Variants in RBKS observed in about 807,000 individuals in gnomAD.
The protein encoded by RBKS is ribokinase.
In RBKS, 33 loss-of-function variants were observed where a neutral mutation model predicts 33.9. That is an observed-to-expected ratio of 0.97 (90% CI 0.74 to 1.30). The LOEUF (loss-of-function observed/expected upper bound fraction) is 1.30, where lower values mean the gene tolerates loss of function less well. Among genes scored for constraint, RBKS ranks in the 50% most tolerant of loss-of-function variants. RBKS has a pLI of 0.00. For missense variants in RBKS, 361 were observed against 392.6 expected, an observed-to-expected ratio of 0.92 and a Z score of 0.68; for synonymous variants, 125 against 143.0, an observed-to-expected ratio of 0.87 and a Z score of 0.90.
chr2:27,789,508 C>T (rs1455617621), intron 7 of RBKS, among the ~76,000 whole-genome samples: 3 of 151,516 alleles, frequency 2.0e-5, no homozygotes, highest in Admixed American at 1.3e-4. Context: ...AAGCAATCCT[C>T]CCACTTCAGC....
chr2:27,784,954 G>C (rs939377369), intron 7 of RBKS, among the ~76,000 whole-genome samples: 1 of 152,088 alleles, frequency 6.6e-6, no homozygotes, highest in South Asian at 2.1e-4. Context: ...GAAACCTGAG[G>C]AACTATGAGC....
intron 7 of RBKS, among the ~76,000 whole-genome samples, chr2:27,814,473 C>T (rs1678050512): frequency 1.3e-5 from 2 of 152,074 alleles, no homozygotes; most frequent in Non-Finnish European, 2.9e-5. Flanking sequence ...GAGAGGCAAT[C>T]TGATTTGCCT....
intron 2 of RBKS, 79 bp from the exon 3 acceptor site, chr2:27,848,176 T>C: frequency 1.3e-6 from 1 of 789,636 alleles, no homozygotes; most frequent in Non-Finnish European, 2.1e-6. Context: ...ATACTTAGCA[T>C]TTTAAAAGGG....
chr2:27,819,330 C>T (rs537642995), intron 7 of RBKS, among the ~76,000 whole-genome samples: 1 of 151,972 alleles, frequency 6.6e-6, no homozygotes, highest in Non-Finnish European at 1.5e-5. Context: ...TCTCTCCCAT[C>T]GAACCAGGAC....
intron 7 of RBKS, among the ~76,000 whole-genome samples, chr2:27,823,431 G>C (rs66790245): frequency 0.061 from 9,360 of 152,228 alleles, 611 homozygotes; most frequent in African/African-American, 0.16. Flanking sequence ...GATGTTTCCA[G>C]CACCCATGTC....
At chr2:27,889,021 T>C (rs946561734) in intron 1 of RBKS, among the ~76,000 whole-genome samples, 1 of 152,230 alleles carries the variant, frequency 6.6e-6, no homozygotes, top group East Asian at 1.9e-4. Context: ...ATAAAGGTCA[T>C]TGGTATTTAA....
intron 7 of RBKS, among the ~76,000 whole-genome samples, chr2:27,783,505 C>T (rs888080369): frequency 1.3e-5 from 2 of 152,188 alleles, no homozygotes. Context: ...CAGAAAACGT[C>T]CTGAGAAAGT....
At chr2:27,840,716 T>C (rs1663476869) in intron 5 of RBKS, among the ~76,000 whole-genome samples, 1 of 152,104 alleles carries the variant, frequency 6.6e-6, no homozygotes, top group South Asian at 2.1e-4. Context: ...AATCAATGGG[T>C]TGTGGCACTT....
rs566034789 is a variant in RBKS, at chr2:27,803,198, T to C, written c.796-21410A>G. Among the ~76,000 whole-genome samples the C allele has an allele frequency of 1.9e-3, 284 of 152,320 alleles. 1 individual carries two copies. The highest frequency in any genetic ancestry group is 6.6e-3 in the African/African-American group (274 of 41,562). On this transcript the variant is annotated intron_variant, in intron 7 of 7. Transcript: ENST00000302188. ...ATCATAAGGATGAGATCACATCCTTTCCTGAACCTCAACCTTGCAGCCTTC... is the reference window on the plus strand; with the variant it reads ...ATCATAAGGATGAGATCACATCCTTCCCTGAACCTCAACCTTGCAGCCTTC...
In RBKS at chr2:27,795,719, C is replaced by A. The variant is rs529788416; in HGVS notation, c.796-13931G>T. Among the ~76,000 whole-genome samples, 2 of 152,268 alleles carry A rather than the reference C, an allele frequency of 1.3e-5. No homozygotes were observed. Among genetic ancestry groups the A allele is most frequent in the South Asian group, 4.2e-4 (2 of 4,816 alleles). On this transcript the variant is annotated intron_variant, in intron 7 of 7. Transcript: ENST00000302188. This position sits in a 1 kb window ranked among gnomAD's most constrained non-coding sequence, Gnocchi z 4.1. Reference sequence around the variant, plus strand: ...CAGTGATTCCGCTCCCATCCTGTTTCACCACCCAGTGAAGGTTTGGGGCAA... The same window carrying A: ...CAGTGATTCCGCTCCCATCCTGTTTAACCACCCAGTGAAGGTTTGGGGCAA...
chr2:27,848,131 TAG>T (rs1471407640), intron 2 of RBKS, 34 bp from the exon 3 acceptor site: 2 of 1,224,264 alleles, frequency 1.6e-6, no homozygotes, highest in Non-Finnish European at 2.3e-6. Flanking sequence ...TTAGATCTTT[TAG>T]AGTTAGTAAA....
In RBKS at chr2:27,795,676, G is replaced by A. The variant is rs1156436611; in HGVS notation, c.796-13888C>T. 6.6e-6 allele frequency among the ~76,000 whole-genome samples: 1 copy of A among 152,138 alleles called. No individual in the cohort carries two copies. Among genetic ancestry groups the A allele is most frequent in the Non-Finnish European group, 1.5e-5 (1 of 68,030 alleles). On this transcript the variant is annotated intron_variant, in intron 7 of 7. Coordinates refer to ENST00000302188, the MANE Select transcript of RBKS (RefSeq NM_022128.3). This position sits in a 1 kb window ranked among gnomAD's most constrained non-coding sequence, Gnocchi z 4.1. ...CACAGAGCTGGTAAATGGCAGAGCT[G>A]CACTTTGTACCCAGACCCAGTGATT... is the stretch of plus-strand genomic sequence containing the variant.
At chr2:27,823,958 C>A (rs940061003) in intron 7 of RBKS, among the ~76,000 whole-genome samples, 1 of 152,060 alleles carries the variant, frequency 6.6e-6, no homozygotes, top group African/African-American at 2.4e-5. Context: ...TTAGTATTAC[C>A]CACAAGCTTG....
intron 7 of RBKS, among the ~76,000 whole-genome samples, chr2:27,783,894 G>C (rs533915896): frequency 1.3e-3 from 165 of 128,240 alleles, no homozygotes; most frequent in Non-Finnish European, 2.0e-3. Flanking sequence ...GCGACAGAGC[G>C]AGACTCTGTC....
intron 1 of RBKS, among the ~76,000 whole-genome samples, chr2:27,889,469 A>G (rs569262644): frequency 6.6e-6 from 1 of 152,346 alleles, no homozygotes; most frequent in South Asian, 2.1e-4. Context: ...GAATATCTGA[A>G]TTTATTACTA....
At chr2:27,878,183 G>A (rs1212240098) in intron 1 of RBKS, among the ~76,000 whole-genome samples, 1 of 132,966 alleles carries the variant, frequency 7.5e-6, no homozygotes, top group Admixed American at 7.8e-5. Flanking sequence ...CCTCCCCCCT[G>A]CCCCCACCCC....
At chr2:27,861,567 G>T (rs1221224998) in intron 1 of RBKS, 1 of 470,120 alleles carries the variant, frequency 2.1e-6, no homozygotes, top group Non-Finnish European at 4.4e-6. Context: ...AAATCAACTT[G>T]TTGACAATGG....
chr2:27,881,421 G>A (rs905341921), intron 1 of RBKS, among the ~76,000 whole-genome samples: 2 of 151,886 alleles, frequency 1.3e-5, no homozygotes, highest in Admixed American at 6.6e-5. Flanking sequence ...TGGGCCTGTA[G>A]TCCCAGTTAC....
Position 27,795,955 on chromosome 2 carries a change from C to T in RBKS, c.796-14167G>A, listed in dbSNP as rs1357107782. Among the ~76,000 whole-genome samples the T allele has an allele frequency of 6.6e-6, 1 of 152,164 alleles. No individual in the cohort carries two copies. Among genetic ancestry groups the T allele is most frequent in the Non-Finnish European group, 1.5e-5 (1 of 68,028 alleles). ...CCCTCTGTTTCTCCTGCTGCCTTGT[C>T]CCTTGCTTTGAGTTGACCTGACTTA... On this transcript the variant is annotated intron_variant, in intron 7 of 7. Coordinates refer to ENST00000302188, the MANE Select transcript of RBKS (RefSeq NM_022128.3). The surrounding 1 kb of genome is among the most constrained non-coding windows in gnomAD (Gnocchi z 4.1).
Sources: allele counts gnomAD v4.1 joint callset (sites outside exome capture counted in the v4.1 genomes callset), GRCh38; gene constraint gnomAD v4.1.1; non-coding constraint Gnocchi (gnomAD v3.1); transcripts MANE v1.5; gene names NCBI Gene and HGNC (gene_info 2026-07-23, HGNC 2026-07-21).